Variants in ANK3 observed in about 807,000 individuals in gnomAD.
The protein encoded by ANK3 is ankyrin-3.
ANK3 carries 57 observed loss-of-function variants against 370.9 expected under a neutral mutation model. The observed-to-expected ratio is 0.15, with a 90% CI of 0.12 to 0.19. ANK3 has a LOEUF of 0.19. ANK3 is among the 10% of genes least tolerant of loss of function. ANK3 has a pLI of 1.00. For missense variants in ANK3, 4,439 were observed against 5,302.1 expected, an observed-to-expected ratio of 0.84 and a Z score of 5.06; for synonymous variants, 1,929 against 1,946.3, an observed-to-expected ratio of 0.99 and a Z score of 0.23.
At chr10:60,644,097 T>C (rs985932645) in intron 1 of ANK3, among the ~76,000 whole-genome samples, 4 of 152,154 alleles carry the variant, frequency 2.6e-5, no homozygotes, top group Non-Finnish European at 2.9e-5. Context: ...CCCAGACTAA[T>C]AGTAAATGAG....
chr10:60,388,758 C>T (rs774832430), intron 1 of ANK3, among the ~76,000 whole-genome samples: 1 of 152,106 alleles, frequency 6.6e-6, no homozygotes, highest in East Asian at 1.9e-4. Flanking sequence ...GGAATTCCTG[C>T]GTTCAGGATA....
chr10:60,070,882 G>A lies in ANK3; in HGVS notation c.9999C>T (p.Thr3333=). The A allele has an allele frequency of 2.5e-6, 4 of 1,613,990 alleles. No individual in the cohort carries two copies. The highest frequency in any genetic ancestry group is 3.4e-6 in the Non-Finnish European group (4 of 1,180,006). The change falls in exon 37 of 44, where the codon ACC becomes ACT. Residue 3333 remains threonine, a synonymous_variant. Transcript: ENST00000280772. This position sits in a 1 kb window ranked among gnomAD's most constrained non-coding sequence, Gnocchi z 5.7. ...IYQPVPVKKY[T]FKLKEVDDEQ... ...CATCGTCCACTTCCTTTAATTTGAAGGTATATTTTTTAACTGGGACTGGCT... is the reference window on the plus strand; with the variant it reads ...CATCGTCCACTTCCTTTAATTTGAAAGTATATTTTTTAACTGGGACTGGCT...
intron 18 of ANK3, among the ~76,000 whole-genome samples, chr10:60,179,777 G>A (rs2096095107): frequency 6.6e-6 from 1 of 152,068 alleles, no homozygotes; most frequent in African/African-American, 2.4e-5. Context: ...ACATCGAGGG[G>A]CTGTGTGTGC....
At chr10:60,386,203 G>A (rs1179407875) in intron 1 of ANK3, among the ~76,000 whole-genome samples, 1 of 152,062 alleles carries the variant, frequency 6.6e-6, no homozygotes, top group African/African-American at 2.4e-5. Flanking sequence ...ATCTACTTTT[G>A]GCATGCCTCC....
intron 7 of ANK3, among the ~76,000 whole-genome samples, chr10:60,253,442 T>C (rs2097695332): frequency 6.6e-6 from 1 of 152,204 alleles, no homozygotes; most frequent in South Asian, 2.1e-4. Context: ...AAGATGTCAA[T>C]GAATTCAAGT....
chr10:60,054,188 C>T (rs116002497), intron 42 of ANK3, among the ~76,000 whole-genome samples: 1 of 152,238 alleles, frequency 6.6e-6, no homozygotes, highest in African/African-American at 2.4e-5. Context: ...CAGGCTTTTG[C>T]AGAATAAATA....
intron 2 of ANK3, among the ~76,000 whole-genome samples, chr10:60,484,776 T>C (rs1179872299): frequency 1.3e-5 from 2 of 152,210 alleles, no homozygotes; most frequent in Non-Finnish European, 2.9e-5. Context: ...GTATTTCCCA[T>C]TCCTGACTCA....
At chr10:60,307,788 C>T (rs1286647821) in intron 1 of ANK3, among the ~76,000 whole-genome samples, 1 of 152,182 alleles carries the variant, frequency 6.6e-6, no homozygotes, top group African/African-American at 2.4e-5. Context: ...ACCCTACTAT[C>T]TTTTCATGTA....
intron 2 of ANK3, among the ~76,000 whole-genome samples, chr10:60,558,170 T>C (rs2077253419): frequency 6.6e-6 from 1 of 152,208 alleles, no homozygotes; most frequent in Non-Finnish European, 1.5e-5. Flanking sequence ...AGTAGTACTC[T>C]CTTAAAACCC....
intron 23 of ANK3, among the ~76,000 whole-genome samples, chr10:60,151,759 A>G (rs904972361): frequency 6.6e-5 from 10 of 152,334 alleles, no homozygotes; most frequent in African/African-American, 1.7e-4. Flanking sequence ...ACAATAACTC[A>G]ACCATTATGG....
At chr10:60,690,795 T>C (rs968531836) in intron 1 of ANK3, among the ~76,000 whole-genome samples, 1 of 152,192 alleles carries the variant, frequency 6.6e-6, no homozygotes, top group Non-Finnish European at 1.5e-5. Context: ...TCAGAAGTCT[T>C]CAGAGTCCAG....
intron 36 of ANK3, among the ~76,000 whole-genome samples, chr10:60,079,831 G>GAC (rs1564856459): frequency 6.6e-6 from 1 of 151,106 alleles, no homozygotes; most frequent in Non-Finnish European, 1.5e-5. Context: ...CAGACAGAAA[G>GAC]AGAGAGAGAG....
chr10:60,390,763 CACAA>C (rs66844915), upstream of ANK3, among the ~76,000 whole-genome samples: 40,969 of 102,930 alleles, frequency 0.4, 6,213 homozygotes, highest in South Asian at 0.53. Context: ...CACACACACA[CACAA>C]ACAACAATTT....
rs564288564 is a variant in ANK3, at chr10:60,468,879, A to G, written c.96+146307T>C. Among the ~76,000 whole-genome samples, 4 of 149,908 alleles carry G rather than the reference A, an allele frequency of 2.7e-5. No homozygotes were observed. The East Asian group carries it at 7.8e-4, about 29-fold the overall frequency. On this transcript the variant is annotated intron_variant, in intron 2 of 43. Coordinates refer to the ANK3 transcript ENST00000373827. ...ACAGACTTGTCTTTTTAATATTCTA[A>G]TATTTCTTTGCGGTCATATACAAAG...
chr10:60,201,715 T>A (rs1283149891), intron 12 of ANK3, among the ~76,000 whole-genome samples: 1 of 150,178 alleles, frequency 6.7e-6, no homozygotes, highest in East Asian at 2.0e-4. Flanking sequence ...CTTCTTTTTT[T>A]TTTTTTTTTT....
At chr10:60,042,292 G>A (rs2076233262) in intron 43 of ANK3, among the ~76,000 whole-genome samples, 1 of 152,136 alleles carries the variant, frequency 6.6e-6, no homozygotes, top group Non-Finnish European at 1.5e-5. Context: ...GTGAAAGTCT[G>A]GATCAATAAA....
intron 23 of ANK3, among the ~76,000 whole-genome samples, chr10:60,166,356 G>A (rs2095623971): frequency 6.6e-6 from 1 of 152,084 alleles, no homozygotes; most frequent in Admixed American, 6.6e-5. Context: ...CAGATAATTA[G>A]TGACACTTTT....
At chr10:60,040,369 A>G (rs1345652902) in intron 43 of ANK3, among the ~76,000 whole-genome samples, 1 of 152,066 alleles carries the variant, frequency 6.6e-6, no homozygotes, top group African/African-American at 2.4e-5. Context: ...TCCGGAGCAC[A>G]TACATTCAGT....
chr10:60,256,359 A>G (rs2097735029), intron 7 of ANK3, among the ~76,000 whole-genome samples: 1 of 152,230 alleles, frequency 6.6e-6, no homozygotes, highest in Non-Finnish European at 1.5e-5. Flanking sequence ...CTCTATAAAT[A>G]TTGCTAAATT....
Sources: allele counts gnomAD v4.1 joint callset (sites outside exome capture counted in the v4.1 genomes callset), GRCh38; gene constraint gnomAD v4.1.1; non-coding constraint Gnocchi (gnomAD v3.1); transcripts MANE v1.5; gene names NCBI Gene and HGNC (gene_info 2026-07-23, HGNC 2026-07-21).